The following RYR3 variants were observed in gnomAD, a reference collection of about 807,000 sequenced individuals.
RYR3 encodes the protein ryanodine receptor 3.
A neutral mutation model predicts 584.3 loss-of-function variants in RYR3; 207 were observed. The ratio of observed to expected loss-of-function variants is 0.35; its 90% CI spans 0.32 to 0.40. The LOEUF is 0.40. Ranked by LOEUF, RYR3 falls within the 10% of genes least tolerant of loss-of-function variation. The pLI, the probability that RYR3 is intolerant of heterozygous loss-of-function variation, is 1.00. For synonymous variants in RYR3, 2,416 were observed against 2,248.5 expected, an observed-to-expected ratio of 1.07 and a Z score of -2.11; for missense variants, 5,616 against 6,089.2, an observed-to-expected ratio of 0.92 and a Z score of 2.59.
chr15:33,364,497 C>T (rs899523187), intron 1 of RYR3, among the ~76,000 whole-genome samples: 4 of 152,150 alleles, frequency 2.6e-5, no homozygotes, highest in African/African-American at 9.7e-5. Flanking sequence ...TATTTGCTAG[C>T]AGCTTGCAAA....
At chr15:33,503,096 A>C (rs1016947710) in intron 2 of RYR3, among the ~76,000 whole-genome samples, 16 of 152,202 alleles carry the variant, frequency 1.1e-4, no homozygotes, top group Non-Finnish European at 2.4e-4. Flanking sequence ...CAATTCTTAA[A>C]GTTCTGGACA....
At chr15:33,746,539 C>G (rs2070734327) in intron 53 of RYR3, among the ~76,000 whole-genome samples, 1 of 152,058 alleles carries the variant, frequency 6.6e-6, no homozygotes, top group African/African-American at 2.4e-5. Flanking sequence ...TGGCTCATGC[C>G]TGTAATCCTA....
intron 1 of RYR3, among the ~76,000 whole-genome samples, chr15:33,326,927 A>G (rs764158842): frequency 1.3e-5 from 2 of 151,700 alleles, no homozygotes; most frequent in Non-Finnish European, 2.9e-5. Flanking sequence ...TCTTCAACTT[A>G]TTGTTATATG....
Position 33,336,473 on chromosome 15 carries a change from AGAGAGAGAGAG to A in RYR3, c.51+25378_51+25388del, listed in dbSNP as rs1971047919. Among the ~76,000 whole-genome samples, 3 of 32,100 alleles carry A rather than the reference AGAGAGAGAGAG, an allele frequency of 9.3e-5. 1 individual carries two copies. The highest frequency in any genetic ancestry group is 8.2e-4 in the African/African-American group (2 of 2,450). 21.1% of individuals were successfully genotyped at this position (32,100 alleles called of 152,430 possible). On this transcript the variant is annotated intron_variant, in intron 1 of 103. Transcript: ENST00000634891. ...GAGAGAGAGAGAGAGAGAGAGAGAG[AGAGAGAGAGAG>A]AGAAAGAAAGAAAGAAAGAAGGAGG...
At chr15:33,844,360 C>G (rs2078575169) in intron 92 of RYR3, among the ~76,000 whole-genome samples, 1 of 152,202 alleles carries the variant, frequency 6.6e-6, no homozygotes, top group Non-Finnish European at 1.5e-5. Flanking sequence ...GTTGGAGCTA[C>G]AGGACAAAGC....
chr15:33,666,542 G>A (rs2152714412), intron 36 of RYR3, among the ~76,000 whole-genome samples: 1 of 152,236 alleles, frequency 6.6e-6, no homozygotes, highest in South Asian at 2.1e-4. Context: ...AGGATATGGT[G>A]GATTTAGATC....
intron 57 of RYR3, among the ~76,000 whole-genome samples, chr15:33,753,937 G>A (rs574992391): frequency 2.0e-5 from 3 of 152,256 alleles, no homozygotes; most frequent in African/African-American, 7.2e-5. Context: ...AAAGATACAG[G>A]AGTTCAAGAC....
rs184707246 is a variant in RYR3 at position 33,678,317 on chromosome 15, T to G, written c.5860+7761T>G. Reference sequence around the variant, plus strand: ...GACTTCCCCCATGCTGTTCTCATAATAGAGTTCCCACAAGATCTGGTTGTT... The same window carrying G: ...GACTTCCCCCATGCTGTTCTCATAAGAGAGTTCCCACAAGATCTGGTTGTT... On this transcript the variant is annotated intron_variant, in intron 38 of 103. Transcript: ENST00000634891. Among the ~76,000 whole-genome samples, 8 of 152,306 alleles carry G rather than the reference T, an allele frequency of 5.3e-5. No individual in the cohort carries two copies. In the East Asian group the frequency reaches 1.5e-3, roughly 29 times the overall value.
At position 33,583,021 on chromosome 15, in the gene RYR3, A is replaced by T. The variant is rs554875986; in HGVS notation, c.1574-1374A>T. 2.0e-5 allele frequency among the ~76,000 whole-genome samples: 3 copies of T among 151,098 alleles called. No homozygotes were observed. In the East Asian group the frequency reaches 5.9e-4, roughly 30 times the overall value. ...GGTGTAGATTGGTAAAACTCAAATG[A>T]CAGCATATTTTCTCCCTCTCTCTGC... On this transcript the variant is annotated intron_variant, in intron 14 of 103. Transcript: ENST00000634891.
At chr15:33,376,953 ACT>A (rs2040796359) in intron 1 of RYR3, among the ~76,000 whole-genome samples, 1 of 151,764 alleles carries the variant, frequency 6.6e-6, no homozygotes, top group Non-Finnish European at 1.5e-5. Context: ...CTGTTTTTGG[ACT>A]CTCTGTTCTG....
chr15:33,746,131 A>T lies in RYR3; in HGVS notation c.7963A>T (p.Arg2655Trp). Residue 2655 changes from arginine to tryptophan, a missense_variant, in exon 53 of 104, where the codon AGG becomes TGG. This residue lies in a region of RYR3 where 1,280 missense variants were observed against 1,426.2 expected (regional missense o/e 0.90). Coordinates refer to ENST00000634891, the MANE Select transcript of RYR3 (RefSeq NM_001036.6). The stretch of plus-strand genomic sequence containing the variant: ...AAATGTGAAGACCCACCCACTGATA[A>T]GGCCTTTCAAGACATTAACGGAGAA... ...DENVKTHPLI[R>W]PFKTLTEKEK... The T allele has an allele frequency of 6.3e-7, 1 of 1,598,628 alleles. No homozygotes were observed. Among genetic ancestry groups the T allele is most frequent in the Non-Finnish European group, 8.5e-7 (1 of 1,172,366 alleles).
intron 43 of RYR3, among the ~76,000 whole-genome samples, chr15:33,716,886 C>G (rs1391489599): frequency 1.3e-5 from 2 of 148,224 alleles, no homozygotes; most frequent in Non-Finnish European, 3.0e-5. Context: ...AAAAAAAAAT[C>G]CACTTCATCA....
intron 29 of RYR3, among the ~76,000 whole-genome samples, chr15:33,646,744 A>G (rs1428882233): frequency 6.6e-6 from 1 of 152,248 alleles, no homozygotes; most frequent in East Asian, 1.9e-4. Context: ...ATCATGCTAA[A>G]CAGACACATC....
intron 89 of RYR3, chr15:33,840,490 C>A: frequency 3.3e-6 from 1 of 301,580 alleles, no homozygotes; most frequent in African/African-American, 2.2e-5. Flanking sequence ...GCTGATCAAA[C>A]TTGGTTTGAT....
intron 86 of RYR3, among the ~76,000 whole-genome samples, chr15:33,833,259 T>C (rs1256030449): frequency 6.6e-6 from 1 of 152,242 alleles, no homozygotes; most frequent in African/African-American, 2.4e-5. Flanking sequence ...CAAAGAACTT[T>C]TTATATTCCA....
At chr15:33,404,585 G>GT (rs200311525) in intron 1 of RYR3, among the ~76,000 whole-genome samples, 1 of 127,764 alleles carries the variant, frequency 7.8e-6, no homozygotes. Flanking sequence ...ATTTACTACT[G>GT]TGTGTTTTTT....
chr15:33,567,714 A>C (rs1245593911), intron 12 of RYR3, among the ~76,000 whole-genome samples: 1 of 152,152 alleles, frequency 6.6e-6, no homozygotes, highest in Non-Finnish European at 1.5e-5. Flanking sequence ...TCATCCCTGG[A>C]CCAGAGCATC....
At chr15:33,570,783 T>G (rs1265615742) in intron 12 of RYR3, among the ~76,000 whole-genome samples, 1 of 152,186 alleles carries the variant, frequency 6.6e-6, no homozygotes, top group Non-Finnish European at 1.5e-5. Flanking sequence ...AGTCTTGCAC[T>G]TCTTTTATGA....
At chr15:33,768,747 A>G (rs1441026615) in intron 61 of RYR3, 40 bp downstream of exon 61, 8 of 1,595,612 alleles carry the variant, frequency 5.0e-6, no homozygotes, top group Non-Finnish European at 5.2e-6. Context: ...CCTCCCTGTA[A>G]TTATCTTGAA....
Sources: gnomAD v4.1 joint callset for allele counts (sites outside exome capture counted in the v4.1 genomes callset) on GRCh38, gnomAD v4.1.1 for gene constraint, gnomAD v4.1.1 regional missense constraint, MANE v1.5 for transcripts, NCBI Gene and HGNC (gene_info 2026-07-23, HGNC 2026-07-21) for gene names.